The following NCKAP5 variants were observed in gnomAD, a reference collection of about 807,000 sequenced individuals.
NCKAP5 encodes the protein nck-associated protein 5.
In NCKAP5, 92 loss-of-function variants were observed where a neutral mutation model predicts 167.0. The ratio of observed to expected loss-of-function variants is 0.55; its 90% confidence interval spans 0.47 to 0.66. The LOEUF (loss-of-function observed/expected upper bound fraction) is 0.66. Among genes scored for constraint, NCKAP5 ranks in the 30% least tolerant of loss-of-function variants. NCKAP5 has a pLI of 0.00. For synonymous variants in NCKAP5, 891 were observed against 877.4 expected, an observed-to-expected ratio of 1.02 and a Z score of -0.27; for missense variants, 2,378 against 2,315.0, an observed-to-expected ratio of 1.03 and a Z score of -0.56.
At chr2:132,900,977 G>GAA (rs58885401) in intron 8 of NCKAP5, among the ~76,000 whole-genome samples, 12,118 of 98,666 alleles carry the variant, frequency 0.12, 697 homozygotes, top group Middle Eastern at 0.22. Flanking sequence ...AAAAAAAAAA[G>GAA]AAAAAAAAAA....
chr2:133,222,892 G>A (rs1459687338), intron 4 of NCKAP5, among the ~76,000 whole-genome samples: 1 of 152,182 alleles, frequency 6.6e-6, no homozygotes, highest in South Asian at 2.1e-4. Flanking sequence ...ACCATTGCCT[G>A]TTACCACTGT....
intron 3 of NCKAP5, among the ~76,000 whole-genome samples, chr2:133,317,697 A>T (rs917647850): frequency 2.0e-5 from 3 of 152,158 alleles, no homozygotes; most frequent in Middle Eastern, 3.2e-3. Context: ...CTTGCCCAAC[A>T]TCCTCCACAA....
chr2:133,578,848 A>G, the NCKAP5 span, among the ~76,000 whole-genome samples: 2 of 152,236 alleles, frequency 1.3e-5, no homozygotes, highest in Admixed American at 6.5e-5. Flanking sequence ...TCCAGAGTCC[A>G]CAGTAAAATC....
chr2:133,299,278 G>T (rs1245331472), intron 4 of NCKAP5, among the ~76,000 whole-genome samples: 4 of 152,116 alleles, frequency 2.6e-5, no homozygotes, highest in Non-Finnish European at 5.9e-5. Flanking sequence ...GATAAATTTT[G>T]AGGTTATTAG....
At chr2:132,929,215 G>GA (rs963420167) in intron 8 of NCKAP5, among the ~76,000 whole-genome samples, 1 of 151,410 alleles carries the variant, frequency 6.6e-6, no homozygotes, top group African/African-American at 2.4e-5. Context: ...ACAACTATGA[G>GA]AAAAAAATGT....
chr2:132,981,724 G>A (rs745938975), intron 7 of NCKAP5, among the ~76,000 whole-genome samples: 12 of 152,056 alleles, frequency 7.9e-5, no homozygotes, highest in Non-Finnish European at 1.0e-4. Flanking sequence ...CTAAATTCCC[G>A]TTTTCTGAGA....
chr2:133,386,765 C>T (rs532128086), intron 3 of NCKAP5, among the ~76,000 whole-genome samples: 10 of 152,270 alleles, frequency 6.6e-5, no homozygotes, highest in African/African-American at 2.4e-4. Flanking sequence ...GGATAGTTAG[C>T]TCTTCTTGTT....
chr2:132,736,437 G>A (rs1255095810), intron 16 of NCKAP5, among the ~76,000 whole-genome samples: 1 of 152,032 alleles, frequency 6.6e-6, no homozygotes, highest in Non-Finnish European at 1.5e-5. Flanking sequence ...AGTTCAAAGG[G>A]GCAAGCCTCC....
intron 6 of NCKAP5, among the ~76,000 whole-genome samples, chr2:133,058,290 ATTAT>A (rs1559096414): frequency 1.3e-5 from 2 of 152,324 alleles, no homozygotes; most frequent in Middle Eastern, 3.4e-3. Flanking sequence ...CTCAGGCCTT[ATTAT>A]TTAAGAAATA....
chr2:133,265,278 G>A (rs112541756), intron 4 of NCKAP5, among the ~76,000 whole-genome samples: 1 of 152,298 alleles, frequency 6.6e-6, no homozygotes, highest in Non-Finnish European at 1.5e-5. Flanking sequence ...AGGATAAGAA[G>A]AGAAATTCCG....
At chr2:133,196,565 G>A (rs2085447512) in intron 5 of NCKAP5, among the ~76,000 whole-genome samples, 1 of 152,146 alleles carries the variant, frequency 6.6e-6, no homozygotes, top group South Asian at 2.1e-4. Flanking sequence ...TCCTAGACAT[G>A]GAACATCTAT....
At chr2:133,180,175 GA>G (rs957396222) in intron 5 of NCKAP5, among the ~76,000 whole-genome samples, 2 of 150,162 alleles carry the variant, frequency 1.3e-5, no homozygotes, top group East Asian at 2.0e-4. Flanking sequence ...TTCAAATGCT[GA>G]AAAAAAAAGA....
At chr2:133,099,327 T>G (rs1385912538) in intron 6 of NCKAP5, among the ~76,000 whole-genome samples, 1 of 152,230 alleles carries the variant, frequency 6.6e-6, no homozygotes, top group Non-Finnish European at 1.5e-5. Flanking sequence ...TGAATTTGAT[T>G]ATTTTTTTTC....
intron 3 of NCKAP5, among the ~76,000 whole-genome samples, chr2:133,460,903 T>C (rs1692161035): frequency 6.6e-6 from 1 of 152,150 alleles, no homozygotes; most frequent in Non-Finnish European, 1.5e-5. Context: ...TTAAGCTAAA[T>C]CAAAGCATTA....
Position 132,781,062 on chromosome 2 carries a change from T to G in NCKAP5, c.5039A>C (p.Lys1680Thr), listed in dbSNP as rs780284134. The change falls in exon 15 of 20, where the codon AAA (lysine) becomes ACA (threonine). Residue 1680 changes from lysine (K) to threonine (T), a missense_variant. By Grantham distance (78) the Lys-to-Thr change is moderately conservative. This residue lies in a region of NCKAP5 where 1,325 missense variants were observed against 1,274.5 expected (regional missense o/e 1.04). Coordinates refer to ENST00000409261, the MANE Select transcript of NCKAP5 (RefSeq NM_207363.3). ...MKIKADMEVP[K>T]DSLVKEANEN... ...TGGTGGAGCACTTACCAGGGAGTCTTTTGGTACTTCCATATCGGCTTTGAT... is the reference window on the plus strand; with the variant it reads ...TGGTGGAGCACTTACCAGGGAGTCTGTTGGTACTTCCATATCGGCTTTGAT... 1 of 1,613,174 alleles carries G rather than the reference T, an allele frequency of 6.2e-7. No homozygotes were observed. Among genetic ancestry groups the G allele is most frequent in the East Asian group, 2.2e-5 (1 of 44,854 alleles).
chr2:133,072,305 T>C (rs906748586), intron 6 of NCKAP5, among the ~76,000 whole-genome samples: 1 of 152,074 alleles, frequency 6.6e-6, no homozygotes, highest in Non-Finnish European at 1.5e-5. Flanking sequence ...AGGATGGTCT[T>C]GAACTCCAGG....
At chr2:132,693,619 CTTT>C (rs1185832600) in intron 19 of NCKAP5, among the ~76,000 whole-genome samples, 3 of 84,484 alleles carry the variant, frequency 3.6e-5, no homozygotes, top group Non-Finnish European at 6.5e-5. Context: ...CCCACCCCGC[CTTT>C]TTTTTTTTTT....
the NCKAP5 span, among the ~76,000 whole-genome samples, chr2:133,594,954 C>T: frequency 6.6e-6 from 1 of 152,104 alleles, no homozygotes; most frequent in African/African-American, 2.4e-5. Flanking sequence ...ACATCCCACC[C>T]TCAAGCAGCC....
intron 8 of NCKAP5, among the ~76,000 whole-genome samples, chr2:132,959,575 C>T (rs2076448890): frequency 6.6e-6 from 1 of 152,074 alleles, no homozygotes; most frequent in African/African-American, 2.4e-5. Flanking sequence ...AGGAGTGGGG[C>T]CTGCAGACAA....
Sources: allele counts gnomAD v4.1 joint callset (sites outside exome capture counted in the v4.1 genomes callset), GRCh38; gene constraint gnomAD v4.1.1; regional missense constraint gnomAD v4.1.1; transcripts MANE v1.5; gene names NCBI Gene and HGNC (gene_info 2026-07-23, HGNC 2026-07-21).